Variants in FBXO6 observed in about 807,000 individuals in gnomAD.
FBXO6 encodes F-box only protein 6.
Under a neutral mutation model 25.0 loss-of-function variants are expected in FBXO6, and 13 were observed. The ratio of observed to expected loss-of-function variants is 0.52; its 90% CI spans 0.34 to 0.83. The LOEUF is 0.83. Ranked by LOEUF, FBXO6 falls within the 40% of genes least tolerant of loss-of-function variation. The pLI is 0.02. For missense variants in FBXO6, 370 were observed against 380.2 expected, an observed-to-expected ratio of 0.97 and a Z score of 0.22; for synonymous variants, 138 against 155.3, an observed-to-expected ratio of 0.89 and a Z score of 0.83.
chr1:11,669,481 A>T (rs1355255001), intron 2 of FBXO6, among the ~76,000 whole-genome samples: 2 of 150,952 alleles, frequency 1.3e-5, no homozygotes, highest in Non-Finnish European at 2.9e-5. Flanking sequence ...AAAAAAAAAA[A>T]ATTTTTTTTT....
intron 4 of FBXO6, among the ~76,000 whole-genome samples, chr1:11,672,741 C>G (rs184224644): frequency 3.7e-4 from 57 of 152,352 alleles, no homozygotes; most frequent in African/African-American, 1.3e-3. Flanking sequence ...GTGCACAGAA[C>G]TGTGCCAGGC....
chr1:11,671,666 C>T (rs976439325), intron 3 of FBXO6, among the ~76,000 whole-genome samples: 10 of 152,224 alleles, frequency 6.6e-5, no homozygotes, highest in African/African-American at 2.4e-4. Flanking sequence ...AAGCTAGGAA[C>T]TTGAGTTTAC....
chr1:11,670,254 G>A (rs1206003991), intron 2 of FBXO6, among the ~76,000 whole-genome samples: 3 of 149,842 alleles, frequency 2.0e-5, no homozygotes, highest in Non-Finnish European at 3.0e-5. Context: ...CCTGGGCAGC[G>A]CCAGTAGAGA....
rs529362664 is a variant in FBXO6, at chr1:11,672,670, T to C, written c.510-607T>C. On this transcript the variant is annotated intron_variant, in intron 4 of 5. Transcript: ENST00000376753. ...GTGGGAACCCCCAGGTCCCCTGACC[T>C]ACCTGCCTCCCCTGCCCCTTTCCCT... 2.0e-5 allele frequency among the ~76,000 whole-genome samples: 3 copies of C among 152,314 alleles called. No individual in the cohort carries two copies. In the East Asian group the frequency reaches 5.8e-4, roughly 29 times the overall value.
At chr1:11,669,987 C>T (rs1461785157) in intron 2 of FBXO6, among the ~76,000 whole-genome samples, 9 of 145,078 alleles carry the variant, frequency 6.2e-5, no homozygotes, top group South Asian at 2.2e-4. Context: ...CTGAGGCGGG[C>T]GGATGACGAG....
In FBXO6 at chr1:11,668,685, C is replaced by T. The variant is rs189560074; in HGVS notation, c.27C>T (p.Ala9=). Residue 9 remains alanine, a synonymous_variant, in exon 2 of 6, where the codon GCC becomes GCT. Transcript: ENST00000376753. ...TGGATGCTCCCCACTCCAAAGCAGC[C>T]CTGGACAGCATTAACGAGCTGCCCG... MDAPHSKA[A]LDSINELPEN... is the part of the protein sequence containing the mutation. The T allele has an allele frequency of 1.2e-6, 2 of 1,613,850 alleles. No homozygotes were observed. The highest frequency in any genetic ancestry group is 2.2e-5 in the East Asian group (1 of 44,886).
chr1:11,665,121 T>C (rs1046859772), intron 1 of FBXO6, among the ~76,000 whole-genome samples: 4 of 151,762 alleles, frequency 2.6e-5, no homozygotes, highest in Admixed American at 6.6e-5. Context: ...CACGGCTCAC[T>C]GCAGCCTCGA....
At chr1:11,668,970 G>A (rs1237372780) in intron 2 of FBXO6, 26 bp downstream of exon 2, 4 of 1,608,000 alleles carry the variant, frequency 2.5e-6, no homozygotes, top group Non-Finnish European at 3.4e-6. Flanking sequence ...GGTGGAGGCT[G>A]CCACCAGGCT....
At chr1:11,672,629 G>A (rs1330832289) in intron 4 of FBXO6, among the ~76,000 whole-genome samples, 2 of 152,290 alleles carry the variant, frequency 1.3e-5, no homozygotes, top group East Asian at 3.9e-4. Flanking sequence ...GAGGACCTCA[G>A]CCCTCTCTGG....
Position 11,664,215 on chromosome 1 carries a change from C to T in FBXO6, c.-44C>T, listed in dbSNP as rs1448406101. 2 of 152,294 alleles carry T rather than the reference C, an allele frequency of 1.3e-5. No individual in the cohort carries two copies. The highest frequency in any genetic ancestry group is 2.9e-5 in the Non-Finnish European group (2 of 68,176). 9.4% of individuals were successfully genotyped at this position (152,294 alleles called of 1,614,324 possible). On this transcript the variant is annotated 5_prime_UTR_variant, in exon 1 of 6. Coordinates refer to ENST00000376753, the MANE Select transcript of FBXO6 (RefSeq NM_018438.6). ...CCTGGAGGGGGAGACAGCTTCAGGA[C>T]ACGCAGGCCGCAGCGAGGGCCCGGG...
At position 11,668,844 on chromosome 1, in the gene FBXO6, C is replaced by T; in HGVS notation, c.186C>T (p.Gly62=). 6.2e-7 allele frequency: 1 copy of T among 1,614,184 alleles called. No homozygotes were observed. Among genetic ancestry groups the T allele is most frequent in the African/African-American group, 1.3e-5 (1 of 75,046 alleles). ...GGAAACGCAAGTGCCTGCGAGAGGG[C>T]TTCATCACCAAGGACTGGGACCAGC... The part of the protein sequence containing the change: ...TLWKRKCLRE[G]FITKDWDQPV... Residue 62 remains glycine, a synonymous_variant, in exon 2 of 6, where the codon GGC becomes GGT. Transcript: ENST00000376753.
intron 2 of FBXO6, among the ~76,000 whole-genome samples, chr1:11,670,017 C>T (rs1640572535): frequency 6.8e-6 from 1 of 148,114 alleles, no homozygotes; most frequent in African/African-American, 2.5e-5. Context: ...TCGAGACCAT[C>T]CTGGCCAACA....
chr1:11,673,267 C>T lies in FBXO6; in HGVS notation c.510-10C>T. 1 of 1,609,892 alleles carries T rather than the reference C, an allele frequency of 6.2e-7. No homozygotes were observed. Among genetic ancestry groups the T allele is most frequent in the Non-Finnish European group, 8.5e-7 (1 of 1,177,926 alleles). On this transcript the variant is annotated splice_polypyrimidine_tract_variant and intron_variant, in intron 4 of 5. Transcript: ENST00000376753. The surrounding 1 kb of genome is among the most constrained non-coding windows in gnomAD (Gnocchi z 4.3). ...TGGCTTGGACACAGGGCTCTCAACC[C>T]CTCCACCAGGTTTGCTGCCAGAGCC...
intron 1 of FBXO6, chr1:11,664,592 G>A (rs1187659501): frequency 2.0e-5 from 3 of 152,106 alleles, no homozygotes; most frequent in Non-Finnish European, 2.9e-5. Context: ...CCCAGGCGGA[G>A]GCTCTGCGGC....
Position 11,671,875 on chromosome 1 carries a change from G to A in FBXO6, c.414-53G>A, listed in dbSNP as rs1481055369. The stretch of plus-strand genomic sequence containing the variant: ...GGGCTGCCAAGGCCTGGGTGAGGGG[G>A]GGGGCCATGCAGAGCACACCCAGGT... On this transcript the variant is annotated intron_variant, in intron 3 of 5. Transcript: ENST00000376753. The A allele has an allele frequency of 2.7e-6, 4 of 1,504,682 alleles. No individual in the cohort carries two copies. The African/African-American group carries it at 5.5e-5, about 21-fold the overall frequency. 93.2% of individuals were successfully genotyped at this position (1,504,682 alleles called of 1,614,324 possible).
In FBXO6 at chr1:11,668,769, C is replaced by A. The variant is rs1437676109; in HGVS notation, c.111C>A (p.Cys37Ter). The A allele has an allele frequency of 6.2e-7, 1 of 1,614,074 alleles. No homozygotes were observed. Among genetic ancestry groups the A allele is most frequent in the African/African-American group, 1.3e-5 (1 of 75,052 alleles). ...HVPARQLLLN[C>*]RLVCSLWRDL... ...CCGCCCGCCAGCTGCTGCTGAACTG[C>A]CGCCTGGTCTGCAGCCTCTGGCGGG... The change falls in exon 2 of 6, where the codon TGC becomes TGA. Residue 37 changes from cysteine (C) to a stop codon, truncating the protein, a stop_gained. Transcript: ENST00000376753. LOFTEE classifies it high-confidence loss of function.
Position 11,671,308 on chromosome 1 carries a change from G to T in FBXO6, c.329G>T (p.Arg110Leu). 6.2e-7 allele frequency: 1 copy of T among 1,614,072 alleles called. No homozygotes were observed. Among genetic ancestry groups the T allele is most frequent in the Non-Finnish European group, 8.5e-7 (1 of 1,179,954 alleles). The change falls in exon 3 of 6, where the codon CGC becomes CTC. Residue 110 changes from arginine (R) to leucine (L), a missense_variant. Physicochemically the swap from Arg to Leu is moderately radical, Grantham distance 102. Transcript: ENST00000376753. Reference protein sequence around the residue: ...AWQIDFNGGDRWKVESLPGAH... With the variant: ...AWQIDFNGGDLWKVESLPGAH... ...CAAATTGATTTCAATGGTGGGGACC[G>T]CTGGAAGGTGGAGAGCCTCCCTGGA... is the stretch of plus-strand genomic sequence containing the variant.
Position 11,673,382 on chromosome 1 carries a change from C to T in FBXO6, c.615C>T (p.Ile205=), listed in dbSNP as rs1254918953. The change falls in exon 5 of 6, where the codon ATC becomes ATT. Residue 205 remains isoleucine, a synonymous_variant. Transcript: ENST00000376753. This position sits in a 1 kb window ranked among gnomAD's most constrained non-coding sequence, Gnocchi z 4.3. ...LASFEPPPVT[I]QQWNNATWTE... ...CCTTCGAGCCCCCACCTGTGACCATCCAACAGTGGAACAATGCCACATGGA... is the reference window on the plus strand; with the variant it reads ...CCTTCGAGCCCCCACCTGTGACCATTCAACAGTGGAACAATGCCACATGGA... 6.2e-7 allele frequency: 1 copy of T among 1,614,090 alleles called. No homozygotes were observed. The highest frequency in any genetic ancestry group is 8.5e-7 in the Non-Finnish European group (1 of 1,180,028).
intron 2 of FBXO6, 76 bp from the exon 3 acceptor site, chr1:11,671,190 C>A: frequency 6.4e-7 from 1 of 1,572,920 alleles, no homozygotes; most frequent in Non-Finnish European, 8.7e-7. Flanking sequence ...TCCCTCCCGC[C>A]CTCCTGGGAC....
Sources: gnomAD v4.1 joint callset for allele counts (sites outside exome capture counted in the v4.1 genomes callset) on GRCh38, gnomAD v4.1.1 for gene constraint, Gnocchi (gnomAD v3.1) non-coding constraint, MANE v1.5 for transcripts, NCBI Gene and HGNC (gene_info 2026-07-23, HGNC 2026-07-21) for gene names.